Variants in MYLK2 observed in about 807,000 individuals in gnomAD.
MYLK2 encodes the protein myosin light chain kinase 2.
In MYLK2, 27 loss-of-function variants were observed where a neutral mutation model predicts 58.2. That is an observed-to-expected ratio of 0.46 (90% CI 0.34 to 0.64). MYLK2 has a LOEUF of 0.64. Among genes scored for constraint, MYLK2 ranks in the 30% least tolerant of loss-of-function variants. MYLK2 has a pLI of 0.01. For synonymous variants in MYLK2, 310 were observed against 296.7 expected (o/e 1.04, Z -0.46); for missense variants, 676 against 764.3 (o/e 0.88, Z 1.36).
chr20:31,821,479 T>C lies in MYLK2; in HGVS notation c.514T>C (p.Ser172Pro). Residue 172 changes from serine (S) to proline (P), a missense_variant, in exon 4 of 13, where the codon TCA (serine) becomes CCA (proline). Around this residue, in one of 2 missense-constraint regions of MYLK2, gnomAD observed 306 missense variants for 296.5 expected, o/e 1.03. Coordinates refer to ENST00000375985, the MANE Select transcript of MYLK2 (RefSeq NM_033118.4). Reference sequence around the variant, plus strand: ...GGCCAAGAAGCCCCCAAGCGAGGCATCAGAGCTCACCTTTGAAGGGGTGCC... The same window carrying C: ...GGCCAAGAAGCCCCCAAGCGAGGCACCAGAGCTCACCTTTGAAGGGGTGCC... ...LLAKKPPSEA[S>P]ELTFEGVPMT... 2 of 1,613,866 alleles carry C rather than the reference T, an allele frequency of 1.2e-6. No individual in the cohort carries two copies. The highest frequency in any genetic ancestry group is 1.7e-6 in the Non-Finnish European group (2 of 1,180,016).
Position 31,819,643 on chromosome 20 carries a change from G to C in MYLK2, c.52+11G>C. 1 of 1,551,526 alleles carries C rather than the reference G, an allele frequency of 6.4e-7. No homozygotes were observed. The highest frequency in any genetic ancestry group is 1.2e-5 in the South Asian group (1 of 84,056). ...AGAACCCATCAACAGGTGCCAAGCT[G>C]GGGCAGGAGATGGAGGGAGGAGCTT... On this transcript the variant is annotated intron_variant, in intron 2 of 12. Transcript: ENST00000375985.
intron 8 of MYLK2, 91 bp from the exon 9 acceptor site, chr20:31,830,728 G>T (rs2062301701): frequency 8.8e-6 from 12 of 1,358,940 alleles, no homozygotes; most frequent in Non-Finnish European, 1.3e-5. Context: ...TTGGGCCTCT[G>T]CCTCAAGGAG....
Position 31,823,810 on chromosome 20 carries a change from C to T in MYLK2, c.878+228C>T, listed in dbSNP as rs1377070358. ...CGCACCGTCAGCCATTCAGTGCTTC[C>T]GTAGGAAATACACAGCATTTTTCTG... On this transcript the variant is annotated intron_variant, in intron 5 of 12. Transcript: ENST00000375985. 1.0e-5 allele frequency: 5 copies of T among 490,662 alleles called. No individual in the cohort carries two copies. In the South Asian group the frequency reaches 2.6e-4, roughly 26 times the overall value. The allele number at this position is 490,662 out of a possible 1,614,324, so 30.4% of individuals were successfully genotyped here.
At chr20:31,826,466 G>A in intron 6 of MYLK2, 139 bp from the exon 7 acceptor site, 1 of 1,144,266 alleles carries the variant, frequency 8.7e-7, no homozygotes, top group Middle Eastern at 2.7e-4. Context: ...GTGGGGGTGG[G>A]GGAGAGAGGA....
chr20:31,831,010 C>G lies in MYLK2; in HGVS notation c.1296-3C>G. 1.2e-6 allele frequency: 2 copies of G among 1,614,154 alleles called. No individual in the cohort carries two copies. The highest frequency in any genetic ancestry group is 1.7e-6 in the Non-Finnish European group (2 of 1,180,016). On this transcript the variant is annotated splice_polypyrimidine_tract_variant and splice_region_variant and intron_variant, in intron 9 of 12. Coordinates refer to ENST00000375985, the MANE Select transcript of MYLK2 (RefSeq NM_033118.4). Reference sequence around the variant, plus strand: ...TGCTCTCAGCCCTTGGTCTCACCCCCAGGTATAACCCCAACGAGAAGCTGA... The same window carrying G: ...TGCTCTCAGCCCTTGGTCTCACCCCGAGGTATAACCCCAACGAGAAGCTGA...
chr20:31,827,031 C>G (rs2062283909), intron 8 of MYLK2, 93 bp downstream of exon 8: 1 of 1,580,678 alleles, frequency 6.3e-7, no homozygotes, highest in Admixed American at 1.8e-5. Flanking sequence ...CCCTCCCATC[C>G]CTCCATCTCT....
rs757155062 is a variant in MYLK2, at chr20:31,826,891, G to A, written c.1177G>A (p.Gly393Arg). 1.9e-5 allele frequency: 31 copies of A among 1,614,050 alleles called. No individual in the cohort carries two copies. Among genetic ancestry groups the A allele is most frequent in the Admixed American group, 1.5e-4 (9 of 60,020 alleles). The change falls in exon 8 of 13, where the codon GGG becomes AGG. Residue 393 changes from glycine to arginine, a missense_variant. By Grantham distance (125) the Gly-to-Arg change is moderately radical. This residue lies in a region of MYLK2 where 370 missense variants were observed against 467.8 expected (regional missense o/e 0.79). Transcript: ENST00000375985. The stretch of plus-strand genomic sequence containing the variant: ...GGTGTTTGTCAGGCAGATCTGTGAC[G>A]GGATCCTCTTCATGCACAAGATGAG... ...TMVFVRQICD[G>R]ILFMHKMRVL...
chr20:31,822,067 T>G (rs959497674), intron 4 of MYLK2, among the ~76,000 whole-genome samples: 2 of 152,154 alleles, frequency 1.3e-5, no homozygotes, highest in Non-Finnish European at 2.9e-5. Context: ...TTCAATCTTA[T>G]TTTTTAAGAT....
Position 31,830,846 on chromosome 20 carries a change from A to G in MYLK2, c.1252A>G (p.Thr418Ala). The change falls in exon 9 of 13, where the codon ACC becomes GCC. Residue 418 changes from threonine to alanine, a missense_variant. By Grantham distance (58) the Thr-to-Ala change is moderately conservative. Transcript: ENST00000375985. ...AGAGAACATCCTGTGTGTCAACACC[A>G]CCGGGCATTTGGTGAAGATCATTGA... ...KPENILCVNTTGHLVKIIDFG... is the reference protein window; with the variant it reads ...KPENILCVNTAGHLVKIIDFG... 2.0e-6 allele frequency: 3 copies of G among 1,499,788 alleles called. No individual in the cohort carries two copies. The highest frequency in any genetic ancestry group is 2.7e-6 in the Non-Finnish European group (3 of 1,110,526). 92.9% of individuals were successfully genotyped at this position (1,499,788 alleles called of 1,614,324 possible).
chr20:31,826,567 G>T, intron 6 of MYLK2, 38 bp from the exon 7 acceptor site: 2 of 1,613,348 alleles, frequency 1.2e-6, no homozygotes, highest in South Asian at 1.1e-5. Context: ...AGGGAGTGAT[G>T]GTGCCCAGCT....
chr20:31,819,879 G>C (rs1054134526), intron 2 of MYLK2, among the ~76,000 whole-genome samples: 1 of 152,166 alleles, frequency 6.6e-6, no homozygotes, highest in Non-Finnish European at 1.5e-5. Flanking sequence ...CACCTAAACA[G>C]TCAGGGCAAG....
chr20:31,821,411 G>C, intron 3 of MYLK2, 28 bp from the exon 4 acceptor site: 1 of 1,612,084 alleles, frequency 6.2e-7, no homozygotes, highest in South Asian at 1.1e-5. Context: ...GCCGCTGAGG[G>C]CTTCACCTCT....
chr20:31,821,442 T>C lies in MYLK2; in HGVS notation c.477T>C (p.Ser159=). ...CCTCTGTGTTCTCACCTTCTAGTTC[T>C]GAGAAGCTGCTGGCCAAGAAGCCCC... is the stretch of plus-strand genomic sequence containing the variant. The part of the protein sequence containing the change: ...SPSCPAIISS[S]EKLLAKKPPS... Residue 159 remains serine (S), a synonymous_variant, in exon 4 of 13, where the codon TCT becomes TCC. Coordinates refer to ENST00000375985, the MANE Select transcript of MYLK2 (RefSeq NM_033118.4). 1 of 1,613,362 alleles carries C rather than the reference T, an allele frequency of 6.2e-7. No individual in the cohort carries two copies. The highest frequency in any genetic ancestry group is 8.5e-7 in the Non-Finnish European group (1 of 1,180,032).
At chr20:31,823,678 C>T in intron 5 of MYLK2, 96 bp downstream of exon 5, 2 of 1,188,520 alleles carry the variant, frequency 1.7e-6, no homozygotes, top group Non-Finnish European at 2.5e-6. Flanking sequence ...AGACACACAC[C>T]CCGCTGAGAC....
intron 4 of MYLK2, 108 bp downstream of exon 4, chr20:31,821,845 A>C (rs961227506): frequency 2.9e-6 from 3 of 1,048,750 alleles, no homozygotes; most frequent in Non-Finnish European, 4.1e-6. Context: ...CCCTGAGCCA[A>C]GCCTTACCCA....
rs1409844189 is a variant in MYLK2, at chr20:31,820,391, C to CAGCGTCAAGAAGCCCAAGGCTGAGCAGGG, written c.322_350dup (p.Gly119ArgfsTer73). 4.3e-6 allele frequency: 7 copies of CAGCGTCAAGAAGCCCAAGGCTGAGCAGGG among 1,612,666 alleles called. No homozygotes were observed. Among genetic ancestry groups the CAGCGTCAAGAAGCCCAAGGCTGAGCAGGG allele is most frequent in the Non-Finnish European group, 5.9e-6 (7 of 1,179,774 alleles). On this transcript the variant is annotated frameshift_variant, in exon 3 of 13. Coordinates refer to ENST00000375985, the MANE Select transcript of MYLK2 (RefSeq NM_033118.4). LOFTEE classifies it high-confidence loss of function. ...CCCAGCAGACTGCGACACCTGAGAC[C>CAGCGTCAAGAAGCCCAAGGCTGAGCAGGG]AGCGTCAAGAAGCCCAAGGCTGAGC...
At position 31,821,737 on chromosome 20, in the gene MYLK2, G is replaced by A; in HGVS notation, c.772G>A (p.Asp258Asn). ...AREEDCFQIL[D>N]DCPPPPAPFP... Reference sequence around the variant, plus strand: ...GGAGGAGGACTGCTTCCAGATTTTGGGTAGGCCAGGGGCAGGTGGGGGCTG... The same window carrying A: ...GGAGGAGGACTGCTTCCAGATTTTGAGTAGGCCAGGGGCAGGTGGGGGCTG... Residue 258 changes from aspartate (D) to asparagine (N), a missense_variant and splice_region_variant, in exon 4 of 13, where the codon GAT (aspartate) becomes AAT (asparagine). By Grantham distance (23) the Asp-to-Asn change is conservative. Transcript: ENST00000375985. 1 of 1,593,826 alleles carries A rather than the reference G, an allele frequency of 6.3e-7. No individual in the cohort carries two copies. Among genetic ancestry groups the A allele is most frequent in the South Asian group, 1.1e-5 (1 of 87,836 alleles).
rs139331477 is a variant in MYLK2, at chr20:31,832,126, G to A, written c.1700G>A (p.Arg567Lys). 87 of 1,609,974 alleles carry A rather than the reference G, an allele frequency of 5.4e-5. No individual in the cohort carries two copies. Among genetic ancestry groups the A allele is most frequent in the Non-Finnish European group, 1.4e-5 (17 of 1,178,586 alleles). Reference sequence around the variant, plus strand: ...TTGCTTAAGAAATACCTCATGAAGAGGCGCTGGAAGGTACCGCTGGATTCA... The same window carrying A: ...TTGCTTAAGAAATACCTCATGAAGAAGCGCTGGAAGGTACCGCTGGATTCA... ...QILLKKYLMK[R>K]RWKKNFIAVS... Residue 567 changes from arginine to lysine, a missense_variant, in exon 12 of 13, where the codon AGG (arginine) becomes AAG (lysine). Arg to Lys is a conservative substitution (Grantham distance 26). Coordinates refer to ENST00000375985, the MANE Select transcript of MYLK2 (RefSeq NM_033118.4).
chr20:31,830,020 G>C (rs559178022), intron 8 of MYLK2, among the ~76,000 whole-genome samples: 27 of 152,330 alleles, frequency 1.8e-4, no homozygotes, highest in African/African-American at 6.3e-4. Context: ...ACCCCAGAGT[G>C]CAGGATCAGT....
Sources: gnomAD v4.1 joint callset for allele counts (sites outside exome capture counted in the v4.1 genomes callset) on GRCh38, gnomAD v4.1.1 for gene constraint, gnomAD v4.1.1 regional missense constraint, MANE v1.5 for transcripts, NCBI Gene and HGNC (gene_info 2026-07-23, HGNC 2026-07-21) for gene names.